COMMD10: variants seen among roughly 807,000 people sequenced by gnomAD.
COMMD10 encodes the protein COMM domain containing 10.
A neutral mutation model predicts 28.9 loss-of-function variants in COMMD10; 33 were observed. The ratio of observed to expected loss-of-function variants is 1.14; its 90% CI spans 0.87 to 1.53. COMMD10 has a LOEUF of 1.53. Among genes scored for constraint, COMMD10 ranks in the 40% most tolerant of loss-of-function variants. The pLI is 0.00. For synonymous variants in COMMD10, 110 were observed against 81.7 expected (o/e 1.35, Z -1.87); for missense variants, 310 against 233.4 (o/e 1.33, Z -2.14).
chr5:116,283,220 T>C (rs1445118245), intron 5 of COMMD10, among the ~76,000 whole-genome samples: 2 of 151,866 alleles, frequency 1.3e-5, no homozygotes, highest in South Asian at 2.1e-4. Context: ...ACAAAAACGA[T>C]GACAGCAATA....
chr5:116,276,712 A>G (rs988840986), intron 5 of COMMD10, among the ~76,000 whole-genome samples: 2 of 151,868 alleles, frequency 1.3e-5, no homozygotes, highest in Admixed American at 6.6e-5. Context: ...ATGCTACAAC[A>G]TGGATACATC....
intron 5 of COMMD10, among the ~76,000 whole-genome samples, chr5:116,215,243 G>A (rs1036628694): frequency 3.3e-5 from 5 of 151,950 alleles, no homozygotes; most frequent in African/African-American, 2.4e-5. Flanking sequence ...AAAAAGAAAT[G>A]AATAGTTGTA....
At chr5:116,240,059 T>C (rs925981686) in intron 5 of COMMD10, among the ~76,000 whole-genome samples, 2 of 152,076 alleles carry the variant, frequency 1.3e-5, no homozygotes, top group African/African-American at 4.8e-5. Flanking sequence ...TTTATAAAAG[T>C]GAGCACAAGG....
At chr5:116,279,544 A>T (rs1751012499) in intron 5 of COMMD10, among the ~76,000 whole-genome samples, 2 of 151,834 alleles carry the variant, frequency 1.3e-5, no homozygotes, top group Non-Finnish European at 2.9e-5. Context: ...ATTTTAATGA[A>T]GTCTTTGGAA....
At chr5:116,203,639 T>A in intron 5 of COMMD10, among the ~76,000 whole-genome samples, 1 of 151,758 alleles carries the variant, frequency 6.6e-6, no homozygotes, top group Non-Finnish European at 1.5e-5. Flanking sequence ...CCAACCAAAC[T>A]AAGCTTCATG....
intron 5 of COMMD10, among the ~76,000 whole-genome samples, chr5:116,262,857 A>G (rs923012729): frequency 2.6e-5 from 4 of 151,852 alleles, no homozygotes; most frequent in Non-Finnish European, 1.5e-5. Flanking sequence ...TAAAATGGCC[A>G]CTGTAAGTAT....
At chr5:116,085,919 G>A (rs1454269118) in intron 1 of COMMD10, among the ~76,000 whole-genome samples, 3 of 152,158 alleles carry the variant, frequency 2.0e-5, no homozygotes, top group African/African-American at 4.8e-5. Flanking sequence ...ACCAGTGGAG[G>A]GTGTCCAGGT....
At chr5:116,148,188 T>C (rs964136365) in intron 5 of COMMD10, among the ~76,000 whole-genome samples, 2 of 151,920 alleles carry the variant, frequency 1.3e-5, no homozygotes, top group African/African-American at 4.8e-5. Flanking sequence ...GGAATTCTAG[T>C]AATTGCTAAA....
intron 5 of COMMD10, among the ~76,000 whole-genome samples, chr5:116,191,122 G>T (rs754261580): frequency 7.2e-4 from 110 of 152,138 alleles, no homozygotes; most frequent in Non-Finnish European, 1.4e-3. Context: ...AGGGGTAGAG[G>T]AAGCAGCAGA....
intron 4 of COMMD10, among the ~76,000 whole-genome samples, chr5:116,112,649 C>T (rs942193442): frequency 6.6e-6 from 1 of 152,206 alleles, no homozygotes; most frequent in Non-Finnish European, 1.5e-5. Flanking sequence ...CTGTGTTGGC[C>T]TCCCAAAGTG....
intron 5 of COMMD10, among the ~76,000 whole-genome samples, chr5:116,256,268 A>G (rs79443748): frequency 0.021 from 3,204 of 151,812 alleles, 170 homozygotes; most frequent in African/African-American, 0.073. Flanking sequence ...AGACTAGTGG[A>G]AACTTCAAAT....
At chr5:116,212,960 G>T (rs1749006670) in intron 5 of COMMD10, among the ~76,000 whole-genome samples, 1 of 152,098 alleles carries the variant, frequency 6.6e-6, no homozygotes, top group South Asian at 2.1e-4. Flanking sequence ...GCTCTTAGAA[G>T]ATTGGGTCTG....
rs948605098 is a variant in COMMD10, at chr5:116,258,636, A to G, written c.511-32881A>G. Among the ~76,000 whole-genome samples the G allele has an allele frequency of 1.4e-4, 21 of 151,736 alleles. 2 individuals carry two copies. The highest frequency in any genetic ancestry group is 3.9e-4 in the African/African-American group (16 of 41,146). ...GATCTTTGAAAATACTATTCTATTG[A>G]CTTTTCTGATATTGCTAAAAAGATT... is the stretch of plus-strand genomic sequence containing the variant. On this transcript the variant is annotated intron_variant, in intron 5 of 6. Transcript: ENST00000274458.
chr5:116,170,902 A>G (rs866506725), intron 5 of COMMD10, among the ~76,000 whole-genome samples: 1 of 152,226 alleles, frequency 6.6e-6, no homozygotes, highest in African/African-American at 2.4e-5. Flanking sequence ...AATCTTGGCA[A>G]TGCCATTCAA....
chr5:116,261,414 C>G (rs1228086691), intron 5 of COMMD10, among the ~76,000 whole-genome samples: 2 of 151,522 alleles, frequency 1.3e-5, no homozygotes, highest in Non-Finnish European at 2.9e-5. Context: ...TGGTGGTCGT[C>G]CTCCTTATTT....
intron 4 of COMMD10, among the ~76,000 whole-genome samples, chr5:116,118,092 G>C (rs979056809): frequency 2.0e-5 from 3 of 152,070 alleles, no homozygotes; most frequent in African/African-American, 7.2e-5. Flanking sequence ...CTGGCTTATT[G>C]AATACCTCTA....
chr5:116,183,485 G>A (rs552619361), intron 5 of COMMD10, among the ~76,000 whole-genome samples: 1 of 152,126 alleles, frequency 6.6e-6, no homozygotes, highest in Non-Finnish European at 1.5e-5. Flanking sequence ...GGGACTGTTA[G>A]GAGGACTTAA....
intron 5 of COMMD10, among the ~76,000 whole-genome samples, chr5:116,224,862 A>G (rs981142100): frequency 6.6e-6 from 1 of 152,218 alleles, no homozygotes; most frequent in Non-Finnish European, 1.5e-5. Context: ...TGAGTATTTG[A>G]TAGTTCATGG....
At chr5:116,251,266 T>TTTTATTTATTTATTTA (rs139799729) in intron 5 of COMMD10, among the ~76,000 whole-genome samples, 2 of 138,070 alleles carry the variant, frequency 1.4e-5, no homozygotes, top group African/African-American at 5.7e-5. Context: ...ACTCTTTTCT[T>TTTTATTTATTTATTTA]TTTATTTATT....
Sources: allele counts gnomAD v4.1 joint callset (sites outside exome capture counted in the v4.1 genomes callset), GRCh38; gene constraint gnomAD v4.1.1; transcripts MANE v1.5; gene names NCBI Gene and HGNC (gene_info 2026-07-23, HGNC 2026-07-21).